The following CADM2 variants were observed in gnomAD, a reference collection of about 807,000 sequenced individuals.
The protein encoded by CADM2 is immunoglobulin superfamily member 4D.
CADM2 carries 12 observed loss-of-function variants against 49.8 expected under a neutral mutation model. The observed-to-expected ratio is 0.24, with a 90% CI of 0.15 to 0.39. The LOEUF (loss-of-function observed/expected upper bound fraction) is 0.39, where lower values mean the gene tolerates loss of function less well. CADM2 is among the 10% of genes least tolerant of loss of function. The pLI, the probability that CADM2 is intolerant of heterozygous loss-of-function variation, is 1.00. For missense variants in CADM2, 378 were observed against 492.3 expected (o/e 0.77, Z 2.20); for synonymous variants, 214 against 175.4 (o/e 1.22, Z -1.74).
chr3:85,457,423 A>C (rs1482715703), intron 1 of CADM2, among the ~76,000 whole-genome samples: 3 of 152,108 alleles, frequency 2.0e-5, no homozygotes, highest in Admixed American at 2.0e-4. Context: ...AAGGAAAAAA[A>C]AAAAATTAAA....
intron 1 of CADM2, among the ~76,000 whole-genome samples, chr3:85,693,532 A>C (rs1339105638): frequency 1.4e-5 from 2 of 145,472 alleles, no homozygotes; most frequent in Non-Finnish European, 3.0e-5. Context: ...GTGAGCCGAG[A>C]TAGTGCCACT....
At chr3:85,749,870 T>C (rs1381013821) in intron 2 of CADM2, among the ~76,000 whole-genome samples, 1 of 152,070 alleles carries the variant, frequency 6.6e-6, no homozygotes, top group African/African-American at 2.4e-5. Context: ...GGGTATACAA[T>C]TTATATCAGT....
chr3:85,391,864 G>A (rs928629177), intron 1 of CADM2, among the ~76,000 whole-genome samples: 6 of 152,114 alleles, frequency 3.9e-5, no homozygotes, highest in Admixed American at 3.3e-4. Context: ...AAAGACTGAA[G>A]AGGTTGTGGC....
intron 1 of CADM2, among the ~76,000 whole-genome samples, chr3:85,004,248 T>G (rs2033613532): frequency 6.6e-6 from 1 of 152,176 alleles, no homozygotes; most frequent in Non-Finnish European, 1.5e-5. Context: ...AAGCGTTTGC[T>G]GGTTAACACA....
chr3:86,016,344 AATT>A (rs1337279128), intron 8 of CADM2, among the ~76,000 whole-genome samples: 6 of 152,190 alleles, frequency 3.9e-5, no homozygotes, highest in African/African-American at 1.4e-4. Context: ...AAACTGTTAG[AATT>A]ATTTCTTGTA....
intron 1 of CADM2, among the ~76,000 whole-genome samples, chr3:85,520,907 C>G (rs2061014093): frequency 6.6e-6 from 1 of 151,896 alleles, no homozygotes; most frequent in African/African-American, 2.4e-5. Flanking sequence ...GTATACTAAA[C>G]TGTGATAATC....
rs1299380179 is a variant in CADM2, at chr3:85,294,835, C to G, written c.61+335167C>G. On this transcript the variant is annotated intron_variant, in intron 1 of 9. Transcript: ENST00000383699. ...AACGTTAGACCTAAAACCATAAAAA[C>G]CCTAGAAGAATACCTAGGCATTACC... 2.0e-5 allele frequency among the ~76,000 whole-genome samples: 3 copies of G among 152,138 alleles called. No homozygotes were observed. In the East Asian group the frequency reaches 5.8e-4, roughly 29 times the overall value.
intron 1 of CADM2, among the ~76,000 whole-genome samples, chr3:84,969,042 A>G (rs1422181579): frequency 1.3e-5 from 2 of 152,030 alleles, no homozygotes; most frequent in African/African-American, 4.8e-5. Flanking sequence ...AGAGATTGCT[A>G]TAAGAATTGG....
chr3:85,773,930 T>C (rs2107964695), intron 2 of CADM2, among the ~76,000 whole-genome samples: 1 of 152,090 alleles, frequency 6.6e-6, no homozygotes, highest in South Asian at 2.1e-4. Flanking sequence ...ACTATTTCCT[T>C]TTCAAAGGGA....
intron 1 of CADM2, among the ~76,000 whole-genome samples, chr3:85,394,457 A>T (rs1196970762): frequency 6.6e-6 from 1 of 152,186 alleles, no homozygotes; most frequent in Non-Finnish European, 1.5e-5. Context: ...AGGGTTAAAA[A>T]TAACCTTAGA....
rs1242298412 is a variant in CADM2, at chr3:85,046,916, AT to A, written c.61+87254del. Among the ~76,000 whole-genome samples, 10 of 152,198 alleles carry A rather than the reference AT, an allele frequency of 6.6e-5. No homozygotes were observed. In the East Asian group the frequency reaches 1.7e-3, roughly 26 times the overall value. ...ATACACGTCATACATATAGGTGAGA[AT>A]TTTTTATGACTCCAGAAATATCTTA... is the stretch of plus-strand genomic sequence containing the variant. On this transcript the variant is annotated intron_variant, in intron 1 of 9. Transcript: ENST00000383699.
Position 85,508,594 on chromosome 3 carries a change from T to A in CADM2, c.62-217928T>A, listed in dbSNP as rs1576680802. Among the ~76,000 whole-genome samples, 4 of 152,084 alleles carry A rather than the reference T, an allele frequency of 2.6e-5. No individual in the cohort carries two copies. In the East Asian group the frequency reaches 7.7e-4, roughly 29 times the overall value. On this transcript the variant is annotated intron_variant, in intron 1 of 9. Coordinates refer to ENST00000383699, the MANE Select transcript of CADM2 (RefSeq NM_001167675.2). Reference sequence around the variant, plus strand: ...AAAGAACTCAAAGGGCAAAATAAAATATGGGAAATGCTTTCGGCTAGAAGA... The same window carrying A: ...AAAGAACTCAAAGGGCAAAATAAAAAATGGGAAATGCTTTCGGCTAGAAGA...
chr3:85,578,707 T>C (rs947098791), intron 1 of CADM2, among the ~76,000 whole-genome samples: 6 of 152,226 alleles, frequency 3.9e-5, no homozygotes, highest in African/African-American at 1.4e-4. Flanking sequence ...TGTATTCTTA[T>C]TCTTTTGCAT....
intron 6 of CADM2, among the ~76,000 whole-genome samples, chr3:85,933,102 T>A (rs1374110955): frequency 6.6e-6 from 1 of 152,170 alleles, no homozygotes. Flanking sequence ...CTATGTAATT[T>A]ACCTTAGTGA....
intron 7 of CADM2, among the ~76,000 whole-genome samples, chr3:85,960,344 T>A (rs989565360): frequency 1.1e-4 from 17 of 151,906 alleles, no homozygotes; most frequent in Non-Finnish European, 2.1e-4. Flanking sequence ...AATTCAATAT[T>A]TCTATCAAAT....
chr3:86,042,273 A>C (rs551783096), intron 8 of CADM2, among the ~76,000 whole-genome samples: 6 of 152,158 alleles, frequency 3.9e-5, no homozygotes, highest in Admixed American at 3.9e-4. Flanking sequence ...CCCTTCAAAA[A>C]ATCAATGAAT....
At chr3:85,624,283 TCAC>T (rs1472541971) in intron 1 of CADM2, among the ~76,000 whole-genome samples, 6 of 152,158 alleles carry the variant, frequency 3.9e-5, no homozygotes, top group Admixed American at 3.9e-4. Flanking sequence ...TGACAGTTGT[TCAC>T]CTGGTACATA....
At chr3:85,879,568 G>T (rs111765647) in intron 3 of CADM2, among the ~76,000 whole-genome samples, 22 of 152,134 alleles carry the variant, frequency 1.4e-4, no homozygotes, top group African/African-American at 5.3e-4. Flanking sequence ...TATGACATTT[G>T]GGATCACCCT....
chr3:85,796,489 T>C (rs1471814315), intron 2 of CADM2, among the ~76,000 whole-genome samples: 2 of 152,136 alleles, frequency 1.3e-5, no homozygotes, highest in Non-Finnish European at 2.9e-5. Context: ...CCAGACATTT[T>C]CTAACCTCAA....
Sources: allele counts gnomAD v4.1 joint callset (sites outside exome capture counted in the v4.1 genomes callset), GRCh38; gene constraint gnomAD v4.1.1; transcripts MANE v1.5; gene names NCBI Gene and HGNC (gene_info 2026-07-23, HGNC 2026-07-21).